Variants in CBFA2T3 observed in about 807,000 individuals in gnomAD.
CBFA2T3 encodes the protein transcriptional corepressor CBFA2T3.
CBFA2T3 carries 31 observed loss-of-function variants against 58.6 expected under a neutral mutation model. The observed-to-expected ratio is 0.53, with a 90% confidence interval of 0.40 to 0.71. The LOEUF (loss-of-function observed/expected upper bound fraction) is 0.71, where lower values mean the gene tolerates loss of function less well. CBFA2T3 is among the 30% of genes least tolerant of loss of function. The pLI, the probability that CBFA2T3 is intolerant of heterozygous loss-of-function variation, is 0.00. For synonymous variants in CBFA2T3, 531 were observed against 421.9 expected (o/e 1.26, Z -3.17); for missense variants, 1,076 against 963.1 (o/e 1.12, Z -1.55).
Position 88,876,919 on chromosome 16 carries a change from C to T in CBFA2T3, c.*57G>A, listed in dbSNP as rs1968852877. On this transcript the variant is annotated 3_prime_UTR_variant, in exon 12 of 12. Coordinates refer to ENST00000268679, the MANE Select transcript of CBFA2T3 (RefSeq NM_005187.6). ...AGGCCAGGCACAGCATCCGGTGGGC[C>T]TGGAGCTGGGTGGGGTTGGCACGGT... 1.1e-5 allele frequency: 14 copies of T among 1,302,342 alleles called. No individual in the cohort carries two copies. Among genetic ancestry groups the T allele is most frequent in the Non-Finnish European group, 1.4e-5 (14 of 1,000,778 alleles). 80.7% of individuals were successfully genotyped at this position (1,302,342 alleles called of 1,614,324 possible).
chr16:88,899,607 C>A (rs1312645539), intron 2 of CBFA2T3, among the ~76,000 whole-genome samples: 1 of 152,152 alleles, frequency 6.6e-6, no homozygotes, highest in African/African-American at 2.4e-5. Context: ...CGACGCTCTG[C>A]TGATCCCAAC....
chr16:88,961,014 C>T (rs1027559509), intron 1 of CBFA2T3, among the ~76,000 whole-genome samples: 2 of 152,232 alleles, frequency 1.3e-5, no homozygotes, highest in Non-Finnish European at 1.5e-5. Flanking sequence ...AACTGTAATG[C>T]TATTCACTGA....
Position 88,879,346 on chromosome 16 carries a change from C to G in CBFA2T3, c.1586G>C (p.Arg529Pro). Residue 529 changes from arginine to proline, a missense_variant, in exon 11 of 12, where the codon CGG (arginine) becomes CCG (proline). Physicochemically the swap from Arg to Pro is moderately radical, Grantham distance 103. Coordinates refer to ENST00000268679, the MANE Select transcript of CBFA2T3 (RefSeq NM_005187.6). ...LITTERAKME[R>P]ALAEAKRQAS... is the part of the protein sequence containing the mutation. ...CTGCCGCTTCGCCTCGGCCAGGGCC[C>G]GCTCCATCTTGGCACGCTCCGTGGT... 1 of 1,612,522 alleles carries G rather than the reference C, an allele frequency of 6.2e-7. No individual in the cohort carries two copies. The highest frequency in any genetic ancestry group is 8.5e-7 in the Non-Finnish European group (1 of 1,179,562).
intron 3 of CBFA2T3, among the ~76,000 whole-genome samples, chr16:88,895,650 C>G (rs1030031714): frequency 2.6e-5 from 4 of 152,284 alleles, no homozygotes; most frequent in Admixed American, 2.6e-4. Context: ...CTGCCTCCCC[C>G]GGGGCCCAGC....
intron 1 of CBFA2T3, among the ~76,000 whole-genome samples, chr16:88,921,464 G>C (rs1422379832): frequency 2.0e-5 from 3 of 152,196 alleles, no homozygotes; most frequent in Non-Finnish European, 2.9e-5. Flanking sequence ...GGCCAGCCGG[G>C]ATTTCCCGAT....
chr16:88,941,798 C>G lies in CBFA2T3; in HGVS notation c.151+34859G>C, dbSNP rs890968720. The G allele has an allele frequency of 3.4e-4, 51 of 148,252 alleles. 1 individual carries two copies. The highest frequency in any genetic ancestry group is 1.3e-3 in the African/African-American group (51 of 40,716). 9.2% of individuals were successfully genotyped at this position (148,252 alleles called of 1,614,324 possible). On this transcript the variant is annotated intron_variant, in intron 1 of 11. Transcript: ENST00000268679. ...CGCAGCAGTCGGCGGCCGCGGGCCT[C>G]GCAGCTTTAGAACCGCGGCTTCTGG...
intron 1 of CBFA2T3, among the ~76,000 whole-genome samples, chr16:88,956,303 G>T (rs1366823916): frequency 6.6e-6 from 1 of 152,270 alleles, no homozygotes; most frequent in African/African-American, 2.4e-5. Flanking sequence ...CGCACACGGA[G>T]CTCATGGCCT....
At chr16:88,915,202 GTGGGGTGGGGAGGAGGCGTGGGT>G (rs1970656228) in intron 1 of CBFA2T3, among the ~76,000 whole-genome samples, 1 of 124,404 alleles carries the variant, frequency 8.0e-6, no homozygotes, top group Admixed American at 8.1e-5. Flanking sequence ...TGGCGTGGGT[GTGGGGTGGGGAGGAGGCGTGGGT>G]GTGGGGTGGG....
Position 88,911,767 on chromosome 16 carries a change from G to A in CBFA2T3, c.152-10111C>T, listed in dbSNP as rs149713220. 3.7e-3 allele frequency among the ~76,000 whole-genome samples: 558 copies of A among 152,392 alleles called. 1 individual carries two copies. The highest frequency in any genetic ancestry group is 0.013 in the African/African-American group (535 of 41,602). On this transcript the variant is annotated intron_variant, in intron 1 of 11. Transcript: ENST00000268679. The stretch of plus-strand genomic sequence containing the variant: ...GCCACAACGGCCGCGTGGAGCTGGT[G>A]CAGGTGGGGCTTGTCTTTGGCACTG...
At chr16:88,963,200 G>A (rs1273090361) in intron 1 of CBFA2T3, among the ~76,000 whole-genome samples, 1 of 150,958 alleles carries the variant, frequency 6.6e-6, no homozygotes, top group Non-Finnish European at 1.5e-5. Flanking sequence ...GAGGCTGTAA[G>A]GAGTTTCTAC....
chr16:88,935,262 C>T (rs1313056350), intron 1 of CBFA2T3, among the ~76,000 whole-genome samples: 2 of 152,204 alleles, frequency 1.3e-5, no homozygotes, highest in Non-Finnish European at 2.9e-5. Flanking sequence ...GTCCACTGCG[C>T]TCTGAGTACA....
At chr16:88,947,966 A>G (rs1185103031) in intron 1 of CBFA2T3, among the ~76,000 whole-genome samples, 1 of 152,188 alleles carries the variant, frequency 6.6e-6, no homozygotes, top group African/African-American at 2.4e-5. Flanking sequence ...CATCTCGTAA[A>G]AGGAGGGAGG....
At chr16:88,879,245 T>C (rs1175574231) in intron 11 of CBFA2T3, 25 bp downstream of exon 11, 1 of 1,567,456 alleles carries the variant, frequency 6.4e-7, no homozygotes, top group Admixed American at 1.7e-5. Context: ...AGGGGATGGG[T>C]GTCAGCGTGG....
At chr16:88,955,863 C>T (rs921648430) in intron 1 of CBFA2T3, among the ~76,000 whole-genome samples, 1 of 138,952 alleles carries the variant, frequency 7.2e-6, no homozygotes, top group Non-Finnish European at 1.5e-5. Flanking sequence ...CCTGACCCCA[C>T]CCAAGGCTCC....
In CBFA2T3 at chr16:88,901,652, TG is replaced by T; in HGVS notation, c.155del (p.Pro52GlnfsTer18). 1.3e-6 allele frequency: 2 copies of T among 1,528,120 alleles called. No homozygotes were observed. 94.7% of individuals were successfully genotyped at this position (1,528,120 alleles called of 1,614,324 possible). ...PRGPRKGGPA[P>X]VDRKAKASAM... Reference sequence around the variant, plus strand: ...CTGAGGCCTTAGCTTTCCTGTCCACTGGGGCTGCGACCAACGGAGAAAGAAA... The same window carrying T: ...CTGAGGCCTTAGCTTTCCTGTCCACTGGGCTGCGACCAACGGAGAAAGAAA... On this transcript the variant is annotated frameshift_variant, in exon 2 of 12. Transcript: ENST00000268679. LOFTEE classifies it high-confidence loss of function.
rs1968867129 is a variant in CBFA2T3, at chr16:88,877,136, G to A, written c.1802C>T (p.Ala601Val). Residue 601 changes from alanine to valine, a missense_variant, in exon 12 of 12, where the codon GCC becomes GTC. Physicochemically the swap from Ala to Val is moderately conservative, Grantham distance 64. Transcript: ENST00000268679. The part of the protein sequence containing the change: ...VCGQSLQGPT[A>V]VVADPVPGPP... ...TCCAGGCACCGGGTCGGCCACCACG[G>A]CTGTGGGGCCCTGCAGGCTCTGGCC... 1 of 1,549,834 alleles carries A rather than the reference G, an allele frequency of 6.5e-7. No homozygotes were observed.
chr16:88,887,970 C>A (rs965347914), intron 5 of CBFA2T3, among the ~76,000 whole-genome samples: 1 of 152,176 alleles, frequency 6.6e-6, no homozygotes, highest in Non-Finnish European at 1.5e-5. Context: ...CCTCCCTGAC[C>A]GTGGGCTCTG....
intron 1 of CBFA2T3, among the ~76,000 whole-genome samples, chr16:88,975,493 G>T (rs910714521): frequency 9.2e-5 from 14 of 152,256 alleles, no homozygotes; most frequent in African/African-American, 3.4e-4. Context: ...TGAGGCCCAG[G>T]GAGGAAGCAC....
intron 1 of CBFA2T3, among the ~76,000 whole-genome samples, chr16:88,901,901 G>C (rs191887950): frequency 1.3e-5 from 2 of 152,158 alleles, no homozygotes; most frequent in Non-Finnish European, 2.9e-5. Context: ...TGGGGCCCTC[G>C]GTGTGTGGCC....
Sources: gnomAD v4.1 joint callset for allele counts (sites outside exome capture counted in the v4.1 genomes callset) on GRCh38, gnomAD v4.1.1 for gene constraint, MANE v1.5 for transcripts, NCBI Gene and HGNC (gene_info 2026-07-23, HGNC 2026-07-21) for gene names.